Variants in ATP2B4 observed in about 807,000 individuals in gnomAD.
The protein encoded by ATP2B4 is ATPase plasma membrane Ca2+ transporting 4.
ATP2B4 carries 39 observed loss-of-function variants against 110.3 expected under a neutral mutation model. The ratio of observed to expected loss-of-function variants is 0.35; its 90% CI spans 0.27 to 0.46. The LOEUF (loss-of-function observed/expected upper bound fraction) is 0.46. Ranked by LOEUF, ATP2B4 falls within the 20% of genes least tolerant of loss-of-function variation. ATP2B4 has a pLI of 1.00. For synonymous variants in ATP2B4, 538 were observed against 571.7 expected, an observed-to-expected ratio of 0.94 and a Z score of 0.84; for missense variants, 1,135 against 1,530.9, an observed-to-expected ratio of 0.74 and a Z score of 4.32.
chr1:203,645,467 GT>G (rs1375049551), intron 1 of ATP2B4, among the ~76,000 whole-genome samples: 1 of 151,376 alleles, frequency 6.6e-6, no homozygotes, highest in Non-Finnish European at 1.5e-5. Flanking sequence ...TTTGTGAGGG[GT>G]TTTTTTATTT....
At chr1:203,633,678 A>T (rs779974971) in intron 1 of ATP2B4, among the ~76,000 whole-genome samples, 4 of 151,736 alleles carry the variant, frequency 2.6e-5, no homozygotes, top group Non-Finnish European at 5.9e-5. Context: ...GTGCCACTGC[A>T]CTTCCAGTGG....
At chr1:203,678,142 T>C (rs1434768915) in intron 1 of ATP2B4, among the ~76,000 whole-genome samples, 1 of 152,202 alleles carries the variant, frequency 6.6e-6, no homozygotes, top group East Asian at 1.9e-4. Context: ...TCACATTCAA[T>C]AGGAGCATTT....
intron 8 of ATP2B4, 42 bp from the exon 9 acceptor site, chr1:203,706,967 T>A (rs1420632859): frequency 6.4e-7 from 1 of 1,565,752 alleles, no homozygotes. Context: ...GCCCTAGGAC[T>A]GCCCTCCAGC....
In ATP2B4 at chr1:203,742,794, T is replaced by C. The variant is rs1667019433; in HGVS notation, c.*2940T>C. The C allele has an allele frequency of 6.6e-6, 1 of 152,258 alleles. No homozygotes were observed. Among genetic ancestry groups the C allele is most frequent in the Admixed American group, 6.5e-5 (1 of 15,286 alleles). 9.4% of individuals were successfully genotyped at this position (152,258 alleles called of 1,614,324 possible). On this transcript the variant is annotated 3_prime_UTR_variant, in exon 21 of 21. Transcript: ENST00000357681. ...CCTGGTCTATAAGGATACTCTGATT[T>C]GGGGTTTGCATTTTTCATGGTTTTT...
intron 20 of ATP2B4, among the ~76,000 whole-genome samples, chr1:203,732,874 T>C (rs1571779205): frequency 6.8e-6 from 1 of 147,248 alleles, no homozygotes; most frequent in Non-Finnish European, 1.5e-5. Flanking sequence ...CTGTTAGGAG[T>C]GATGGAGTAG....
chr1:203,670,883 G>T (rs2102344290), intron 1 of ATP2B4, among the ~76,000 whole-genome samples: 1 of 152,302 alleles, frequency 6.6e-6, no homozygotes, highest in East Asian at 1.9e-4. Flanking sequence ...TCCCCGTGGG[G>T]AGTGTTCTCA....
intron 15 of ATP2B4, among the ~76,000 whole-genome samples, chr1:203,719,239 AAAAAAAGCAAG>A (rs1666248343): frequency 7.1e-6 from 1 of 141,050 alleles, no homozygotes; most frequent in South Asian, 2.6e-4. Flanking sequence ...AAAAAAAAAA[AAAAAAAGCAAG>A]AGAGATAAAA....
chr1:203,733,037 G>A (rs905484432), intron 20 of ATP2B4, among the ~76,000 whole-genome samples: 9 of 152,146 alleles, frequency 5.9e-5, no homozygotes, highest in Admixed American at 2.0e-4. Flanking sequence ...TGCAATTAAC[G>A]TTTTTCTCCT....
chr1:203,716,904 T>G lies in ATP2B4; in HGVS notation c.2406+2627T>G, dbSNP rs1421315999. ...TTATTTATTAACTTAAATACTTACA[T>G]AAAAAGAGATTCCCGGCCGGGCGTA... On this transcript the variant is annotated intron_variant, in intron 15 of 20. Transcript: ENST00000357681. Among the ~76,000 whole-genome samples the G allele has an allele frequency of 1.4e-5, 2 of 144,798 alleles. 1 individual carries two copies. The highest frequency in any genetic ancestry group is 1.4e-4 in the Admixed American group (2 of 14,500). 95.0% of individuals were successfully genotyped at this position (144,798 alleles called of 152,430 possible).
In ATP2B4 at chr1:203,717,939, C is replaced by T. The variant is rs116856856; in HGVS notation, c.2407-2610C>T. Among the ~76,000 whole-genome samples the T allele has an allele frequency of 5.5e-3, 844 of 152,136 alleles. 8 individuals carry two copies. The highest frequency in any genetic ancestry group is 0.018 in the African/African-American group (759 of 41,510). ...GATTACAGGGGTGAGCCACCGCGCCCGGCCTGAAACGGCCTCCCAACACTT... is the reference window on the plus strand; with the variant it reads ...GATTACAGGGGTGAGCCACCGCGCCTGGCCTGAAACGGCCTCCCAACACTT... On this transcript the variant is annotated intron_variant, in intron 15 of 20. Coordinates refer to ENST00000357681, the MANE Select transcript of ATP2B4 (RefSeq NM_001684.5).
At chr1:203,711,182 C>CAGTT in intron 12 of ATP2B4, 74 bp downstream of exon 12, 6 of 1,423,064 alleles carry the variant, frequency 4.2e-6, no homozygotes, top group Non-Finnish European at 5.9e-6. Context: ...TGACCCCAGG[C>CAGTT]AGGTAACCTA....
rs146552234 is a variant in ATP2B4 at position 203,709,934 on chromosome 1, C to T, written c.1799+392C>T. Among the ~76,000 whole-genome samples, 315 of 152,326 alleles carry T rather than the reference C, an allele frequency of 2.1e-3. 1 individual carries two copies. The highest frequency in any genetic ancestry group is 2.7e-3 in the Non-Finnish European group (184 of 68,038). ...TACTCAGCTCCTAAAAGTACTACCC[C>T]CTCACTGTAACTAAATGATTCAATG... On this transcript the variant is annotated intron_variant, in intron 11 of 20. Coordinates refer to ENST00000357681, the MANE Select transcript of ATP2B4 (RefSeq NM_001684.5).
chr1:203,721,550 C>T lies in ATP2B4; in HGVS notation c.2812+140C>T, dbSNP rs904615649. ...CAGTGCTTGCTGTGCTCCCGCTACA[C>T]GGTGCATTATGCTACTATATGTACT... is the stretch of plus-strand genomic sequence containing the variant. On this transcript the variant is annotated intron_variant, in intron 17 of 20. Coordinates refer to ENST00000357681, the MANE Select transcript of ATP2B4 (RefSeq NM_001684.5). The T allele has an allele frequency of 2.5e-5, 20 of 790,622 alleles. 1 individual carries two copies. The highest frequency in any genetic ancestry group is 1.0e-4 in the South Asian group (6 of 59,188). The allele number at this position is 790,622 out of a possible 1,614,324, so 49.0% of individuals were successfully genotyped here.
intron 13 of ATP2B4, among the ~76,000 whole-genome samples, chr1:203,712,610 G>T (rs1463599805): frequency 6.6e-6 from 1 of 151,362 alleles, no homozygotes; most frequent in Non-Finnish European, 1.5e-5. Flanking sequence ...AAAAAAAAGA[G>T]GGGGGGAGTT....
At chr1:203,655,618 C>T (rs2102324586) in intron 1 of ATP2B4, among the ~76,000 whole-genome samples, 1 of 151,598 alleles carries the variant, frequency 6.6e-6, no homozygotes, top group East Asian at 1.9e-4. Flanking sequence ...TGCACTCCAG[C>T]CTGGGCAACA....
intron 1 of ATP2B4, among the ~76,000 whole-genome samples, chr1:203,667,190 A>G (rs4272686): frequency 0.92 from 139,896 of 152,166 alleles, 65,116 homozygotes; most frequent in Non-Finnish European, 0.99. Context: ...GGATTCAAGC[A>G]ATCTGCCCAC....
At position 203,665,670 on chromosome 1, in the gene ATP2B4, C is replaced by T. The variant is rs374067308; in HGVS notation, c.-464-17072C>T. Among the ~76,000 whole-genome samples, 382 of 152,058 alleles carry T rather than the reference C, an allele frequency of 2.5e-3. 2 individuals are homozygous for T. Among genetic ancestry groups the T allele is most frequent in the African/African-American group, 8.6e-3 (358 of 41,468 alleles). On this transcript the variant is annotated intron_variant, in intron 1 of 20. Transcript: ENST00000357681. ...CAAAAATTAGCCAGGCACAGTGGTGCGTGCCTGTAGTCCCAGGTACTCAGG... is the reference window on the plus strand; with the variant it reads ...CAAAAATTAGCCAGGCACAGTGGTGTGTGCCTGTAGTCCCAGGTACTCAGG...
intron 1 of ATP2B4, among the ~76,000 whole-genome samples, chr1:203,644,275 T>C (rs1255798444): frequency 1.5e-5 from 2 of 133,208 alleles, no homozygotes; most frequent in East Asian, 4.3e-4. Context: ...AAAAAAAGAA[T>C]GCTTGGATGG....
At chr1:203,710,088 C>T (rs1012590982) in intron 11 of ATP2B4, among the ~76,000 whole-genome samples, 1 of 152,160 alleles carries the variant, frequency 6.6e-6, no homozygotes, top group Non-Finnish European at 1.5e-5. Context: ...GACTATTCGG[C>T]CAGGCGCAGT....
Sources: gnomAD v4.1 joint callset for allele counts (sites outside exome capture counted in the v4.1 genomes callset) on GRCh38, gnomAD v4.1.1 for gene constraint, MANE v1.5 for transcripts, NCBI Gene and HGNC (gene_info 2026-07-23, HGNC 2026-07-21) for gene names.